The following CNBD1 variants were observed in gnomAD, a reference collection of about 807,000 sequenced individuals.
CNBD1 encodes the protein cyclic nucleotide-binding domain-containing protein 1.
CNBD1 carries 71 observed loss-of-function variants against 54.4 expected under a neutral mutation model. That is an observed-to-expected ratio of 1.30 (90% CI 1.08 to 1.59). The LOEUF (loss-of-function observed/expected upper bound fraction) is 1.59, where lower values mean the gene tolerates loss of function less well. CNBD1 is among the 40% of genes most tolerant of loss of function. CNBD1 has a pLI of 0.00. For synonymous variants in CNBD1, 182 were observed against 170.7 expected (o/e 1.07, Z -0.51); for missense variants, 659 against 518.0 (o/e 1.27, Z -2.64).
intron 10 of CNBD1, among the ~76,000 whole-genome samples, chr8:87,354,309 A>T (rs1810374436): frequency 6.6e-6 from 1 of 152,136 alleles, no homozygotes; most frequent in South Asian, 2.1e-4. Flanking sequence ...AACTATAAAG[A>T]AATATTTATG....
intron 2 of CNBD1, among the ~76,000 whole-genome samples, chr8:87,404,783 G>A (rs183464058): frequency 1.6e-4 from 24 of 152,172 alleles, no homozygotes; most frequent in African/African-American, 5.5e-4. Flanking sequence ...TTACTATCCA[G>A]ATCTTCTGCT....
chr8:87,334,024 G>A (rs62526772), intron 8 of CNBD1, among the ~76,000 whole-genome samples: 6,665 of 152,040 alleles, frequency 0.044, 190 homozygotes, highest in Non-Finnish European at 0.06. Flanking sequence ...TTGTTTTTTG[G>A]TCGGTAGGCT....
At chr8:87,050,035 C>T (rs925037131) in intron 4 of CNBD1, among the ~76,000 whole-genome samples, 4 of 152,120 alleles carry the variant, frequency 2.6e-5, no homozygotes, top group African/African-American at 9.7e-5. Context: ...AGACTAAGGG[C>T]CAGTGCTTTA....
At chr8:87,090,198 A>T (rs1811178450) in intron 4 of CNBD1, among the ~76,000 whole-genome samples, 1 of 152,194 alleles carries the variant, frequency 6.6e-6, no homozygotes, top group Non-Finnish European at 1.5e-5. Context: ...CTTCTGGGCT[A>T]TGATTTGAGA....
chr8:87,427,006 TG>T (rs1303439338), intron 2 of CNBD1, among the ~76,000 whole-genome samples: 14 of 152,284 alleles, frequency 9.2e-5, no homozygotes, highest in Admixed American at 9.2e-4. Context: ...AACTTTGGCT[TG>T]GGGCTCCCAT....
chr8:87,358,763 G>A (rs1268334674), intron 10 of CNBD1, among the ~76,000 whole-genome samples: 2 of 152,104 alleles, frequency 1.3e-5, no homozygotes, highest in East Asian at 1.9e-4. Flanking sequence ...CCAGTGTGAG[G>A]CCAAAGCCTT....
At chr8:87,096,804 C>CT (rs200048715) in intron 4 of CNBD1, among the ~76,000 whole-genome samples, 497 of 145,760 alleles carry the variant, frequency 3.4e-3, no homozygotes, top group Middle Eastern at 0.011. Context: ...TTTTTCTTCC[C>CT]TTTTTTTTTT....
At chr8:87,420,143 C>A (rs1807906963) in intron 2 of CNBD1, among the ~76,000 whole-genome samples, 1 of 151,860 alleles carries the variant, frequency 6.6e-6, no homozygotes, top group Admixed American at 6.6e-5. Context: ...TTGATCATCA[C>A]TTTTCAGACT....
At chr8:86,919,776 G>A (rs1257430232) in intron 3 of CNBD1, among the ~76,000 whole-genome samples, 1 of 152,146 alleles carries the variant, frequency 6.6e-6, no homozygotes, top group African/African-American at 2.4e-5. Flanking sequence ...AGCTGACTTT[G>A]CTGTCAAAGT....
At chr8:87,295,468 A>C (rs1808861710) in intron 8 of CNBD1, among the ~76,000 whole-genome samples, 1 of 151,968 alleles carries the variant, frequency 6.6e-6, no homozygotes, top group African/African-American at 2.4e-5. Flanking sequence ...AAATAAATTA[A>C]GAATTTATTT....
intron 10 of CNBD1, 42 bp downstream of exon 10, chr8:87,353,828 G>A: frequency 1.4e-6 from 2 of 1,472,260 alleles, no homozygotes; most frequent in Non-Finnish European, 1.8e-6. Flanking sequence ...CCATTTTATT[G>A]GATGAGTTCT....
intron 4 of CNBD1, among the ~76,000 whole-genome samples, chr8:87,134,409 C>T (rs1344624001): frequency 6.6e-6 from 1 of 151,894 alleles, no homozygotes; most frequent in Non-Finnish European, 1.5e-5. Context: ...AATATATGTT[C>T]TTTCAGTTGC....
At chr8:87,278,684 A>G (rs1350686061) in intron 6 of CNBD1, among the ~76,000 whole-genome samples, 1 of 151,580 alleles carries the variant, frequency 6.6e-6, no homozygotes, top group South Asian at 2.1e-4. Flanking sequence ...GCAGAAACAA[A>G]GTTATCCAGA....
chr8:87,386,133 C>T (rs1811181969), downstream of CNBD1, among the ~76,000 whole-genome samples: 1 of 152,010 alleles, frequency 6.6e-6, no homozygotes, highest in Non-Finnish European at 1.5e-5. Flanking sequence ...CATCAAAGAC[C>T]AAAAGTAGAT....
At chr8:86,929,683 G>T (rs1172150591) in intron 3 of CNBD1, among the ~76,000 whole-genome samples, 1 of 152,034 alleles carries the variant, frequency 6.6e-6, no homozygotes, top group Non-Finnish European at 1.5e-5. Flanking sequence ...AGTAGTGCTT[G>T]GTATCTAAGC....
downstream of CNBD1, among the ~76,000 whole-genome samples, chr8:87,385,869 G>A (rs1399249499): frequency 6.6e-6 from 1 of 152,172 alleles, no homozygotes; most frequent in African/African-American, 2.4e-5. Context: ...GCAACACCCA[G>A]TAGGGTCAGA....
intron 2 of CNBD1, among the ~76,000 whole-genome samples, chr8:87,399,196 T>C (rs949060232): frequency 6.6e-6 from 1 of 152,030 alleles, no homozygotes; most frequent in African/African-American, 2.4e-5. Flanking sequence ...TTACTATTGA[T>C]TTGTTTCTTT....
intron 1 of CNBD1, among the ~76,000 whole-genome samples, chr8:86,870,187 C>CTTTTTTTTTTTTTT (rs1420611337): frequency 2.1e-5 from 1 of 47,770 alleles, no homozygotes; most frequent in Non-Finnish European, 3.9e-5. Context: ...CAAGATAGTA[C>CTTTTTTTTTTTTTT]TCTTTTTTTT....
chr8:87,286,385 C>T (rs1808698660), intron 7 of CNBD1, among the ~76,000 whole-genome samples, 154 bp from the exon 8 acceptor site: 1 of 151,950 alleles, frequency 6.6e-6, no homozygotes, highest in Non-Finnish European at 1.5e-5. Context: ...TCTATGTGGC[C>T]ATAGAGTGAT....
Sources: allele counts gnomAD v4.1 joint callset (sites outside exome capture counted in the v4.1 genomes callset), GRCh38; gene constraint gnomAD v4.1.1; transcripts MANE v1.5; gene names NCBI Gene and HGNC (gene_info 2026-07-23, HGNC 2026-07-21).